The following ASB2 variants were observed in gnomAD, a reference collection of about 807,000 sequenced individuals.
The protein encoded by ASB2 is ankyrin repeat and SOCS box containing 2.
Under a neutral mutation model 62.4 loss-of-function variants are expected in ASB2, and 58 were observed. The observed-to-expected ratio is 0.93, with a 90% CI of 0.75 to 1.16. ASB2 has a LOEUF of 1.16. Ranked by LOEUF, ASB2 falls within the 50% of genes most tolerant of loss-of-function variation. ASB2 has a pLI of 0.00. For synonymous variants in ASB2, 386 were observed against 385.3 expected, an observed-to-expected ratio of 1.00 and a Z score of -0.02; for missense variants, 928 against 887.9, an observed-to-expected ratio of 1.05 and a Z score of -0.57.
Position 93,939,128 on chromosome 14 carries a change from T to C in ASB2, c.1597A>G (p.Lys533Glu), listed in dbSNP as rs768018779. 39 of 1,532,188 alleles carry C rather than the reference T, an allele frequency of 2.5e-5. No individual in the cohort carries two copies. In the East Asian group the frequency reaches 8.1e-4, roughly 32 times the overall value. 94.9% of individuals were successfully genotyped at this position (1,532,188 alleles called of 1,614,324 possible). A position where few individuals can be genotyped will look rare whatever the true frequency, so the allele number is the denominator to read the frequency against. The change falls in exon 8 of 10, where the codon AAG becomes GAG. Residue 533 changes from lysine to glutamate, a missense_variant. Coordinates refer to ENST00000555019, the MANE Select transcript of ASB2 (RefSeq NM_001202429.2). ...CCCACCTGCACCACGCTGGGCTCCT[T>C]GTCGGCCGCGGGCGCGTCGTTGAAC... is the stretch of plus-strand genomic sequence containing the variant. ...SRFNDAPAAD[K>E]EPSVVQFCEF...
At position 93,956,640 on chromosome 14, in the gene ASB2, C is replaced by A; in HGVS notation, c.311+126G>T. The A allele has an allele frequency of 1.2e-5, 15 of 1,294,872 alleles. No homozygotes were observed. The South Asian group carries it at 1.6e-4, about 14-fold the overall frequency. The allele number at this position is 1,294,872 out of a possible 1,614,324, so 80.2% of individuals were successfully genotyped here. ...GGGGGGCACCCCTAGAAGGAGCGTG[C>A]CTGGCAGGTGCCTCCATAGTGCCCT... is the stretch of plus-strand genomic sequence containing the variant. On this transcript the variant is annotated intron_variant, in intron 3 of 9. Transcript: ENST00000555019.
At chr14:93,939,864 T>G in intron 7 of ASB2, 192 bp from the exon 8 acceptor site, 2 of 468,558 alleles carry the variant, frequency 4.3e-6, no homozygotes, top group South Asian at 4.3e-5. Flanking sequence ...GTGGGTCGGC[T>G]GCCGTCTCCG....
Position 93,947,487 on chromosome 14 carries a change from G to C in ASB2, c.914C>G (p.Ala305Gly), listed in dbSNP as rs538069257. ...CTTGCAGGCCTCGTAGAGGGCAGAC[G>C]CGTTGTCGCTGGCCTGCGTGTTGAT... ...ADINTQASDN[A>G]SALYEACKNE... Residue 305 changes from alanine (A) to glycine (G), a missense_variant, in exon 7 of 10, where the codon GCG (alanine) becomes GGG (glycine). Ala to Gly is a moderately conservative substitution (Grantham distance 60). Coordinates refer to ENST00000555019, the MANE Select transcript of ASB2 (RefSeq NM_001202429.2). 6.2e-7 allele frequency: 1 copy of C among 1,614,036 alleles called. No individual in the cohort carries two copies. Among genetic ancestry groups the C allele is most frequent in the Non-Finnish European group, 8.5e-7 (1 of 1,180,052 alleles).
chr14:93,960,475 CTT>C, intron 2 of ASB2, among the ~76,000 whole-genome samples: 1 of 152,344 alleles, frequency 6.6e-6, no homozygotes, highest in East Asian at 1.9e-4. Flanking sequence ...TGTTTTCCTC[CTT>C]TGTCTTCTCA....
chr14:93,970,536 A>T (rs1384796158), intron 1 of ASB2, among the ~76,000 whole-genome samples: 1 of 152,128 alleles, frequency 6.6e-6, no homozygotes, highest in East Asian at 1.9e-4. Flanking sequence ...GAAAGTCTAG[A>T]AACTTCTGAG....
intron 3 of ASB2, chr14:93,955,165 G>A (rs976673592): frequency 8.8e-6 from 4 of 456,508 alleles, no homozygotes; most frequent in Non-Finnish European, 1.8e-5. Context: ...ATCCACTTTT[G>A]GGGAGGCTTC....
At chr14:93,934,880 C>T (rs953795804) in intron 9 of ASB2, 88 bp from the exon 10 acceptor site, 1 of 1,131,346 alleles carries the variant, frequency 8.8e-7, no homozygotes, top group South Asian at 1.3e-5. Context: ...ATGGGAGGTG[C>T]CCAGCTGATG....
chr14:93,940,619 G>A (rs1167276722), intron 7 of ASB2: 1 of 152,272 alleles, frequency 6.6e-6, no homozygotes, highest in Non-Finnish European at 1.5e-5. Context: ...CCTCCCCGAA[G>A]GCTGACGCTA....
At chr14:93,958,347 C>G (rs1177158768) in intron 2 of ASB2, among the ~76,000 whole-genome samples, 5 of 152,182 alleles carry the variant, frequency 3.3e-5, no homozygotes, top group Non-Finnish European at 7.4e-5. Context: ...GCAGGGTCAC[C>G]TTCAGCATGA....
Position 93,951,129 on chromosome 14 carries a change from G to A in ASB2, c.750C>T (p.Asp250=). 6.2e-7 allele frequency: 1 copy of A among 1,614,234 alleles called. No homozygotes were observed. The highest frequency in any genetic ancestry group is 2.2e-5 in the East Asian group (1 of 44,886). Residue 250 remains aspartate, a synonymous_variant, in exon 6 of 10, where the codon GAC becomes GAT. Transcript: ENST00000555019. The part of the protein sequence containing the change: ...TALHESVSRN[D]LEVMQILVSG... ...TCACCAGGATCTGCATGACCTCCAG[G>A]TCATTGCGAGACACAGACTCGTGCA...
chr14:93,975,376 T>A (rs1595339876), intron 1 of ASB2, among the ~76,000 whole-genome samples: 1 of 152,206 alleles, frequency 6.6e-6, no homozygotes, highest in East Asian at 1.9e-4. Flanking sequence ...AAATCTCACA[T>A]CCTCCAAGGG....
rs373139682 is a variant in ASB2, at chr14:93,951,022, G to A, written c.857C>T (p.Ala286Val). 1.2e-6 allele frequency: 2 copies of A among 1,613,978 alleles called. No homozygotes were observed. The highest frequency in any genetic ancestry group is 1.1e-5 in the South Asian group (1 of 91,062). The change falls in exon 6 of 10, where the codon GCC (alanine) becomes GTC (valine). Residue 286 changes from alanine to valine, a missense_variant. By Grantham distance (64) the Ala-to-Val change is moderately conservative. Coordinates refer to ENST00000555019, the MANE Select transcript of ASB2 (RefSeq NM_001202429.2). ...ACCGTACTTGGCTAAGAACCTCAAG[G>A]CCTCCAACTGTCCACTCTGGGCGGC... ...FVAAQSGQLEALRFLAKYGAD... is the reference protein window; with the variant it reads ...FVAAQSGQLEVLRFLAKYGAD...
intron 7 of ASB2, among the ~76,000 whole-genome samples, chr14:93,943,446 A>G (rs889563553): frequency 6.6e-6 from 1 of 152,216 alleles, no homozygotes; most frequent in African/African-American, 2.4e-5. Context: ...GGAGTTCGAG[A>G]CCAGCCCGGG....
At chr14:93,952,327 G>A (rs1889000629) in intron 5 of ASB2, among the ~76,000 whole-genome samples, 1 of 152,222 alleles carries the variant, frequency 6.6e-6, no homozygotes, top group South Asian at 2.1e-4. Flanking sequence ...CACTCCCTTT[G>A]GACAGCTGAG....
chr14:93,957,669 C>A (rs981773872), intron 2 of ASB2, among the ~76,000 whole-genome samples: 2 of 152,152 alleles, frequency 1.3e-5, no homozygotes, highest in African/African-American at 4.8e-5. Flanking sequence ...GAGGGTGTTC[C>A]ACATGTACTC....
At chr14:93,935,499 C>A (rs1033213113) in intron 9 of ASB2, among the ~76,000 whole-genome samples, 5 of 152,194 alleles carry the variant, frequency 3.3e-5, no homozygotes, top group Admixed American at 1.3e-4. Context: ...GTGCTTGGGC[C>A]AGATATGCAG....
intron 2 of ASB2, among the ~76,000 whole-genome samples, chr14:93,961,197 TC>T (rs1889399263): frequency 6.6e-6 from 1 of 152,194 alleles, no homozygotes; most frequent in South Asian, 2.1e-4. Context: ...TATTTGCTTT[TC>T]ACAGGAATAC....
chr14:93,941,622 C>G (rs1045152421), intron 7 of ASB2: 7 of 455,984 alleles, frequency 1.5e-5, no homozygotes, highest in Non-Finnish European at 3.1e-5. Context: ...CTGGGCCTCA[C>G]CCTGGATGGC....
At chr14:93,970,262 C>T (rs1889723705) in intron 1 of ASB2, among the ~76,000 whole-genome samples, 1 of 152,192 alleles carries the variant, frequency 6.6e-6, no homozygotes, top group African/African-American at 2.4e-5. Flanking sequence ...CATCCTCCAC[C>T]ACACCAAGCT....
Sources: allele counts gnomAD v4.1 joint callset (sites outside exome capture counted in the v4.1 genomes callset), GRCh38; gene constraint gnomAD v4.1.1; transcripts MANE v1.5; gene names NCBI Gene and HGNC (gene_info 2026-07-23, HGNC 2026-07-21).